The following SYT2 variants were observed in gnomAD, a reference collection of about 807,000 sequenced individuals.
The protein encoded by SYT2 is synaptotagmin 2.
In SYT2, 15 loss-of-function variants were observed where a neutral mutation model predicts 39.9. That is an observed-to-expected ratio of 0.38 (90% CI 0.25 to 0.58). SYT2 has a LOEUF of 0.58. SYT2 is among the 20% of genes least tolerant of loss of function. The pLI, the probability that SYT2 is intolerant of heterozygous loss-of-function variation, is 0.70. For synonymous variants in SYT2, 181 were observed against 204.5 expected (o/e 0.89, Z 0.98); for missense variants, 389 against 530.3 (o/e 0.73, Z 2.62).
intron 3 of SYT2, 68 bp from the exon 4 acceptor site, chr1:202,603,186 G>C: frequency 6.3e-7 from 1 of 1,585,032 alleles, no homozygotes; most frequent in East Asian, 2.2e-5. Flanking sequence ...CTTAGCACAG[G>C]ATGACGGGAA....
At chr1:202,610,802 C>A (rs1039361558) in intron 1 of SYT2, among the ~76,000 whole-genome samples, 6 of 151,900 alleles carry the variant, frequency 3.9e-5, no homozygotes, top group Non-Finnish European at 2.9e-5. Flanking sequence ...AACTACAAAC[C>A]ACTGCTCAAT....
rs1690294224 is a variant in SYT2, at chr1:202,596,308, T to TACACACACATACACACACAC, written c.*448_*449insGTGTGTGTGTATGTGTGTGT. 1 of 87,852 alleles carries TACACACACATACACACACAC rather than the reference T, an allele frequency of 1.1e-5. No homozygotes were observed. The highest frequency in any genetic ancestry group is 1.5e-4 in the Admixed American group (1 of 6,532). The allele number at this position is 87,852 out of a possible 1,614,324, so 5.4% of individuals were successfully genotyped here. A position where few individuals can be genotyped will look rare whatever the true frequency, so the allele number is the denominator to read the frequency against. The stretch of plus-strand genomic sequence containing the variant: ...ACACACACACACACACACACACACA[T>TACACACACATACACACACAC]ACACACACACACACACACACACACA... On this transcript the variant is annotated 3_prime_UTR_variant, in exon 9 of 9. Transcript: ENST00000367268.
chr1:202,639,684 TTC>T (rs1691846465), intron 1 of SYT2: 12 of 985,344 alleles, frequency 1.2e-5, no homozygotes, highest in Non-Finnish European at 1.4e-5. Context: ...TCAGCCACAC[TTC>T]TCTCAGACTC....
rs55680589 is a variant in SYT2, at chr1:202,594,727, C to CACACACACACACACACA, written c.*2029_*2030insTGTGTGTGTGTGTGTGT. The CACACACACACACACACA allele has an allele frequency of 1.6e-4, 25 of 152,078 alleles. No individual in the cohort carries two copies. Among genetic ancestry groups the CACACACACACACACACA allele is most frequent in the East Asian group, 7.7e-4 (4 of 5,178 alleles). The allele number at this position is 152,078 out of a possible 1,614,324, so 9.4% of individuals were successfully genotyped here. A position where few individuals can be genotyped will look rare whatever the true frequency, so the allele number is the denominator to read the frequency against. Reference sequence around the variant, plus strand: ...ACACACACACACACACACACACACACCAGTAAAAACATAACTTCCCATGTA... The same window carrying CACACACACACACACACA: ...ACACACACACACACACACACACACACACACACACACACACACACAGTAAAAACATAACTTCCCATGTA... On this transcript the variant is annotated 3_prime_UTR_variant, in exon 9 of 9. Coordinates refer to ENST00000367268, the MANE Select transcript of SYT2 (RefSeq NM_177402.5).
In SYT2 at chr1:202,603,047, G is replaced by A; in HGVS notation, c.417C>T (p.Asn139=). ...CCAGGGAAAACTGCAGTTTGCCCAG[G>A]TTCTCTGGCTCTTTCTCCTCCTCCC... The part of the protein sequence containing the change: ...GEGEEEKEPE[N]LGKLQFSLDY... Residue 139 remains asparagine, a synonymous_variant, in exon 4 of 9, where the codon AAC becomes AAT. Transcript: ENST00000367268. The A allele has an allele frequency of 1.2e-6, 2 of 1,613,988 alleles. No individual in the cohort carries two copies. The highest frequency in any genetic ancestry group is 2.2e-5 in the East Asian group (1 of 44,868).
At chr1:202,637,933 C>T (rs1691786753) in intron 1 of SYT2, among the ~76,000 whole-genome samples, 1 of 152,236 alleles carries the variant, frequency 6.6e-6, no homozygotes, top group Non-Finnish European at 1.5e-5. Context: ...ACAAACCTAG[C>T]TCATTCCCAA....
At chr1:202,665,194 G>A (rs1339391715) in intron 1 of SYT2, among the ~76,000 whole-genome samples, 1 of 152,214 alleles carries the variant, frequency 6.6e-6, no homozygotes, top group South Asian at 2.1e-4. Flanking sequence ...TGAAAGTGAT[G>A]AGGAGGAAAA....
chr1:202,640,764 G>A (rs1029583628), intron 1 of SYT2, among the ~76,000 whole-genome samples: 1 of 149,746 alleles, frequency 6.7e-6, no homozygotes, highest in African/African-American at 2.5e-5. Context: ...GAGAGAGAGA[G>A]AGAGAGAGAG....
chr1:202,614,256 T>C lies in SYT2; in HGVS notation c.-17-8467A>G, dbSNP rs1690966100. On this transcript the variant is annotated intron_variant, in intron 1 of 8. Transcript: ENST00000367268. The surrounding 1 kb of genome is among the most constrained non-coding windows in gnomAD (Gnocchi z 4.0). The stretch of plus-strand genomic sequence containing the variant: ...GGGGGAGAACTGCATCTCAGGAGTG[T>C]TGGAGTCCCAGAAAAGGAGATTAGA... Among the ~76,000 whole-genome samples, 1 of 152,226 alleles carries C rather than the reference T, an allele frequency of 6.6e-6. No individual in the cohort carries two copies. Among genetic ancestry groups the C allele is most frequent in the Admixed American group, 6.5e-5 (1 of 15,284 alleles).
intron 1 of SYT2, among the ~76,000 whole-genome samples, chr1:202,620,566 CG>C (rs1691176902): frequency 6.6e-6 from 1 of 151,810 alleles, no homozygotes; most frequent in South Asian, 2.1e-4. Flanking sequence ...AGGGATACGC[CG>C]GGATGGGGAG....
chr1:202,690,576 C>T (rs757472395), intron 1 of SYT2, among the ~76,000 whole-genome samples: 66 of 152,172 alleles, frequency 4.3e-4, no homozygotes, highest in Non-Finnish European at 8.4e-4. Context: ...TTTAATGGTC[C>T]CTGGCCTCTG....
At chr1:202,660,729 C>T (rs1375615163) in intron 1 of SYT2, among the ~76,000 whole-genome samples, 2 of 152,144 alleles carry the variant, frequency 1.3e-5, no homozygotes, top group Non-Finnish European at 2.9e-5. Context: ...GCAATCCTCC[C>T]ACTTCAGCCT....
In SYT2 at chr1:202,687,973, C is replaced by T. The variant is rs529616387; in HGVS notation, c.-18+22285G>A. Among the ~76,000 whole-genome samples the T allele has an allele frequency of 7.2e-5, 11 of 152,274 alleles. No individual in the cohort carries two copies. In the East Asian group the frequency reaches 1.7e-3, roughly 24 times the overall value. ...CATCACAACTCTGAGGACACATTAA[C>T]GGGATGGAGGCGGTGCCCTGGATGA... is the stretch of plus-strand genomic sequence containing the variant. On this transcript the variant is annotated intron_variant, in intron 1 of 8. Transcript: ENST00000367268.
At chr1:202,609,818 T>G (rs1485635964) in intron 1 of SYT2, among the ~76,000 whole-genome samples, 2 of 152,182 alleles carry the variant, frequency 1.3e-5, no homozygotes, top group African/African-American at 4.8e-5. Context: ...TGCAAAAATT[T>G]TCTCCCATTC....
intron 1 of SYT2, among the ~76,000 whole-genome samples, chr1:202,698,678 C>T (rs1315983901): frequency 1.3e-5 from 2 of 152,172 alleles, no homozygotes; most frequent in African/African-American, 4.8e-5. Context: ...ACACCGACCC[C>T]CAGACTCACC....
At chr1:202,675,376 T>C (rs998935534) in intron 1 of SYT2, among the ~76,000 whole-genome samples, 1 of 148,356 alleles carries the variant, frequency 6.7e-6, no homozygotes, top group Non-Finnish European at 1.5e-5. Context: ...AATTAATATA[T>C]ATTATAATAA....
intron 1 of SYT2, among the ~76,000 whole-genome samples, chr1:202,700,896 G>C (rs941411800): frequency 6.6e-6 from 1 of 152,146 alleles, no homozygotes. Context: ...CTCCCCAAGT[G>C]GTAGCTTCTT....
At chr1:202,667,810 T>G (rs555045098) in intron 1 of SYT2, among the ~76,000 whole-genome samples, 2 of 152,154 alleles carry the variant, frequency 1.3e-5, no homozygotes, top group South Asian at 2.1e-4. Context: ...CCTCCCGGGT[T>G]CAAGCGATTC....
intron 1 of SYT2, among the ~76,000 whole-genome samples, chr1:202,610,152 C>G (rs1367273087): frequency 6.6e-6 from 1 of 152,144 alleles, no homozygotes; most frequent in Admixed American, 6.5e-5. Context: ...GAATCGTTTC[C>G]CCATTTCTTG....
Sources: gnomAD v4.1 joint callset for allele counts (sites outside exome capture counted in the v4.1 genomes callset) on GRCh38, gnomAD v4.1.1 for gene constraint, Gnocchi (gnomAD v3.1) non-coding constraint, MANE v1.5 for transcripts, NCBI Gene and HGNC (gene_info 2026-07-23, HGNC 2026-07-21) for gene names.